Variants in SMC5 observed in about 807,000 individuals in gnomAD.
The protein encoded by SMC5 is structural maintenance of chromosomes 5, also known as structural maintenance of chromosomes protein 5.
A neutral mutation model predicts 148.3 loss-of-function variants in SMC5; 88 were observed. The observed-to-expected ratio is 0.59, with a 90% CI of 0.50 to 0.71. The LOEUF (loss-of-function observed/expected upper bound fraction) is 0.71, where lower values mean the gene tolerates loss of function less well. SMC5 is among the 30% of genes least tolerant of loss of function. The probability of loss-of-function intolerance (pLI) is 0.00; values close to 1 mark genes in which losing one functional copy is unlikely to be tolerated. For missense variants in SMC5, 1,142 were observed against 1,298.9 expected (o/e 0.88, Z 1.86); for synonymous variants, 421 against 432.8 (o/e 0.97, Z 0.34).
chr9:70,295,065 C>T (rs2035159100), intron 8 of SMC5, among the ~76,000 whole-genome samples: 1 of 152,096 alleles, frequency 6.6e-6, no homozygotes, highest in African/African-American at 2.4e-5. Flanking sequence ...AATACCCTCC[C>T]CACCTCCATG....
intron 1 of SMC5, among the ~76,000 whole-genome samples, chr9:70,263,915 A>AAAAG (rs2034205128): frequency 6.6e-6 from 1 of 152,252 alleles, no homozygotes; most frequent in African/African-American, 2.4e-5. Flanking sequence ...ATTATAATTT[A>AAAAG]AAAGAAATAT....
intron 17 of SMC5, among the ~76,000 whole-genome samples, chr9:70,339,611 A>T (rs965666482): frequency 4.6e-5 from 7 of 151,708 alleles, no homozygotes; most frequent in Admixed American, 1.3e-4. Context: ...CCAAAGAGAA[A>T]TTTTTTTTTC....
chr9:70,328,403 A>T (rs2036139338), intron 17 of SMC5, among the ~76,000 whole-genome samples: 2 of 152,206 alleles, frequency 1.3e-5, no homozygotes, highest in African/African-American at 4.8e-5. Context: ...CCCCTTTCAA[A>T]AAGGGAGAAA....
At chr9:70,265,053 G>A (rs745786075) in intron 2 of SMC5, among the ~76,000 whole-genome samples, 16 of 152,178 alleles carry the variant, frequency 1.1e-4, no homozygotes, top group Non-Finnish European at 1.0e-4. Flanking sequence ...GTACACCTGC[G>A]TAGGGCACTT....
At chr9:70,300,612 C>T (rs570318665) in intron 10 of SMC5, among the ~76,000 whole-genome samples, 5 of 152,130 alleles carry the variant, frequency 3.3e-5, no homozygotes, top group South Asian at 2.1e-4. Flanking sequence ...CTACAAAGAA[C>T]GGGCATTCTT....
At chr9:70,288,445 A>G in intron 8 of SMC5, among the ~76,000 whole-genome samples, 1 of 151,878 alleles carries the variant, frequency 6.6e-6, no homozygotes, top group African/African-American at 2.4e-5. Flanking sequence ...AATTTTTTTT[A>G]AAAATCAACT....
At chr9:70,273,492 C>G (rs2034506410) in intron 3 of SMC5, among the ~76,000 whole-genome samples, 1 of 151,770 alleles carries the variant, frequency 6.6e-6, no homozygotes, top group South Asian at 2.1e-4. Context: ...TCATGGTTTT[C>G]TATTTCATTA....
intron 17 of SMC5, among the ~76,000 whole-genome samples, chr9:70,334,862 A>C (rs1484781631): frequency 6.6e-6 from 1 of 152,182 alleles, no homozygotes; most frequent in Non-Finnish European, 1.5e-5. Context: ...ACCTGACTTT[A>C]CTGGTCTTGG....
At chr9:70,347,787 A>G in intron 21 of SMC5, 70 bp downstream of exon 21, 2 of 1,248,692 alleles carry the variant, frequency 1.6e-6, no homozygotes, top group South Asian at 1.5e-5. Context: ...ATAATGGAAA[A>G]TGAGATGACA....
At chr9:70,352,099 TA>T in intron 24 of SMC5, 91 bp from the exon 25 acceptor site, 1 of 1,195,308 alleles carries the variant, frequency 8.4e-7, no homozygotes, top group Non-Finnish European at 1.2e-6. Flanking sequence ...ATATTGCAAA[TA>T]AAATAATACA....
chr9:70,318,814 A>T lies in SMC5; in HGVS notation c.2001A>T (p.Gln667His), dbSNP rs954547752. The T allele has an allele frequency of 6.4e-7, 1 of 1,571,096 alleles. No individual in the cohort carries two copies. Among genetic ancestry groups the T allele is most frequent in the Non-Finnish European group, 8.6e-7 (1 of 1,165,744 alleles). Residue 667 changes from glutamine (Q) to histidine (H), a missense_variant, in exon 15 of 25, where the codon CAA becomes CAT. Coordinates refer to ENST00000361138, the MANE Select transcript of SMC5 (RefSeq NM_015110.4). The part of the protein sequence containing the change: ...EQLKEIHRKL[Q>H]AVDSGLIALR... ...TATAGGAAATTCATAGAAAATTGCA[A>T]GCAGTGGATTCAGGGTTGATTGCCT...
At chr9:70,306,503 A>G (rs1336011213) in intron 11 of SMC5, among the ~76,000 whole-genome samples, 1 of 152,230 alleles carries the variant, frequency 6.6e-6, no homozygotes, top group African/African-American at 2.4e-5. Flanking sequence ...GAGCTGTTTA[A>G]GCCTAATCAG....
In SMC5 at chr9:70,305,222, G is replaced by A. The variant is rs539188702; in HGVS notation, c.1465-25G>A. 3.9e-5 allele frequency: 42 copies of A among 1,069,164 alleles called. No homozygotes were observed. In the South Asian group the frequency reaches 5.3e-4, roughly 13 times the overall value. The allele number at this position is 1,069,164 out of a possible 1,614,324, so 66.2% of individuals were successfully genotyped here. A position where few individuals can be genotyped will look rare whatever the true frequency, so the allele number is the denominator to read the frequency against. ...TAATCAGTTGGGTTTCATGAAATTC[G>A]ACCTTTTTTTGCTTGTTTGTTTAGA... On this transcript the variant is annotated intron_variant, in intron 10 of 24. Coordinates refer to ENST00000361138, the MANE Select transcript of SMC5 (RefSeq NM_015110.4).
intron 24 of SMC5, among the ~76,000 whole-genome samples, chr9:70,351,224 T>G (rs1250785077): frequency 6.6e-6 from 1 of 151,984 alleles, no homozygotes; most frequent in African/African-American, 2.4e-5. Flanking sequence ...CGTGGCAGCA[T>G]GCGCCTATAG....
intron 1 of SMC5, 52 bp downstream of exon 1, chr9:70,259,315 G>A (rs1297882249): frequency 1.3e-6 from 2 of 1,492,328 alleles, no homozygotes; most frequent in Non-Finnish European, 1.8e-6. Flanking sequence ...TGGCCAGCAG[G>A]CCCCGGGGCT....
At chr9:70,262,533 G>A (rs73647448) in intron 1 of SMC5, among the ~76,000 whole-genome samples, 152 of 152,310 alleles carry the variant, frequency 1.0e-3, no homozygotes, top group African/African-American at 3.5e-3. Context: ...TCAATGGCAT[G>A]AATGATAATA....
At chr9:70,341,800 A>T (rs2036531394) in intron 17 of SMC5, among the ~76,000 whole-genome samples, 1 of 152,074 alleles carries the variant, frequency 6.6e-6, no homozygotes, top group Non-Finnish European at 1.5e-5. Flanking sequence ...GGGACTGTAA[A>T]CTAGTTCAAC....
chr9:70,267,813 G>C, intron 2 of SMC5, 110 bp from the exon 3 acceptor site: 1 of 882,154 alleles, frequency 1.1e-6, no homozygotes, highest in East Asian at 2.5e-5. Flanking sequence ...GAACATACAA[G>C]TGGTACCTGA....
intron 7 of SMC5, among the ~76,000 whole-genome samples, chr9:70,285,712 TA>T (rs1200417443): frequency 6.6e-6 from 1 of 152,234 alleles, no homozygotes; most frequent in African/African-American, 2.4e-5. Context: ...TTATAGGTGT[TA>T]ATGATGTGTA....
Sources: allele counts gnomAD v4.1 joint callset (sites outside exome capture counted in the v4.1 genomes callset), GRCh38; gene constraint gnomAD v4.1.1; transcripts MANE v1.5; gene names NCBI Gene and HGNC (gene_info 2026-07-23, HGNC 2026-07-21).